Variants in ZNF814 observed in about 807,000 individuals in gnomAD.
ZNF814 encodes zinc finger protein 814.
A neutral mutation model predicts 7.5 loss-of-function variants in ZNF814; 5 were observed. The ratio of observed to expected loss-of-function variants is 0.67; its 90% CI spans 0.35 to 1.40. ZNF814 has a LOEUF of 1.40. Among genes scored for constraint, ZNF814 ranks in the 40% most tolerant of loss-of-function variants. The pLI is 0.04. For synonymous variants in ZNF814, 315 were observed against 340.7 expected (o/e 0.92, Z 0.83); for missense variants, 962 against 1,018.0 (o/e 0.94, Z 0.75).
chr19:57,873,007 T>G lies in ZNF814; in HGVS notation c.2383A>C (p.Thr795Pro), dbSNP rs766856693. The G allele has an allele frequency of 3.7e-6, 6 of 1,613,980 alleles. No homozygotes were observed. The East Asian group carries it at 1.3e-4, about 36-fold the overall frequency. The change falls in exon 3 of 3, where the codon ACT becomes CCT. Residue 795 changes from threonine to proline, a missense_variant. Physicochemically the swap from Thr to Pro is conservative, Grantham distance 38. Coordinates refer to ENST00000435989, the MANE Select transcript of ZNF814 (RefSeq NM_001144989.2). ...CTGCACTCATAAGGCTTTTCTCCAG[T>G]GTGAACTCTTTTGTGTTTTGTGAAA... ...SSFTKHKRVH[T>P]GEKPYECSEC...
At chr19:57,891,754 CT>C, upstream of ZNF814, among the ~76,000 whole-genome samples, 1 of 151,914 alleles carries the variant, frequency 6.6e-6, no homozygotes, top group African/African-American at 2.4e-5. Context: ...TATTCCTTTA[CT>C]TTCTTTTCTT....
In ZNF814 at chr19:57,873,797, T is replaced by C; in HGVS notation, c.1593A>G (p.Ser531=). 1.2e-6 allele frequency: 2 copies of C among 1,613,674 alleles called. No homozygotes were observed. The highest frequency in any genetic ancestry group is 3.3e-5 in the Admixed American group (2 of 59,972). ...ECGECGKSFS[S]KGHLRNHQQI... ...GCTGATGGTTCCTAAGATGTCCTTT[T>C]GAACTAAATGATTTCCCACATTCTC... The change falls in exon 3 of 3, where the codon TCA becomes TCG. Residue 531 remains serine (S), a synonymous_variant. Coordinates refer to ENST00000435989, the MANE Select transcript of ZNF814 (RefSeq NM_001144989.2).
At chr19:57,886,164 C>G (rs2071692095) in intron 1 of ZNF814, among the ~76,000 whole-genome samples, 1 of 152,058 alleles carries the variant, frequency 6.6e-6, no homozygotes, top group South Asian at 2.1e-4. Context: ...ATGGAACACT[C>G]TCCACTTCCT....
rs770504193 is a variant in ZNF814, at chr19:57,874,738, C to A, written c.652G>T (p.Glu218Ter). The part of the protein sequence containing the change: ...QCGGAHYSCG[E>*]SMKHFSTKHI... ...TTGGTGCTAAAATGTTTCATGGATT[C>A]TCCACAGCTGTAGTGAGCTCCCCCA... is the stretch of plus-strand genomic sequence containing the variant. The change falls in exon 3 of 3, where the codon GAA becomes TAA. Residue 218 changes from glutamate (E) to a stop codon, truncating the protein, a stop_gained. Coordinates refer to ENST00000435989, the MANE Select transcript of ZNF814 (RefSeq NM_001144989.2). LOFTEE classifies it low-confidence loss of function (END_TRUNC). 1.2e-6 allele frequency: 2 copies of A among 1,609,502 alleles called. No homozygotes were observed. The highest frequency in any genetic ancestry group is 2.2e-5 in the East Asian group (1 of 44,828).
intron 1 of ZNF814, among the ~76,000 whole-genome samples, chr19:57,877,400 C>G (rs1163845183): frequency 6.6e-6 from 1 of 152,148 alleles, no homozygotes; most frequent in East Asian, 1.9e-4. Flanking sequence ...CTGCCACACA[C>G]CACTGGCCTC....
At position 57,885,988 on chromosome 19, in the gene ZNF814, AC is replaced by A. The variant is rs1402534900; in HGVS notation, c.36+2778del. Reference sequence around the variant, plus strand: ...GAGACTCCTTCTCAAAAAAAAAAAAACAAAAAAACAAAATAACTCCTGTAAC... The same window carrying A: ...GAGACTCCTTCTCAAAAAAAAAAAAAAAAAAAACAAAATAACTCCTGTAAC... On this transcript the variant is annotated intron_variant, in intron 1 of 2. Transcript: ENST00000435989. 33 of 151,082 alleles carry A rather than the reference AC, an allele frequency of 2.2e-4. 3 individuals carry two copies. The highest frequency in any genetic ancestry group is 7.5e-4 in the African/African-American group (31 of 41,120). The allele number at this position is 151,082 out of a possible 1,614,324, so 9.4% of individuals were successfully genotyped here. A position where few individuals can be genotyped will look rare whatever the true frequency, so the allele number is the denominator to read the frequency against.
At position 57,874,649 on chromosome 19, in the gene ZNF814, A is replaced by G. The variant is rs759829732; in HGVS notation, c.741T>C (p.Cys247=). The G allele has an allele frequency of 3.2e-6, 5 of 1,556,326 alleles. No individual in the cohort carries two copies. The highest frequency in any genetic ancestry group is 4.4e-6 in the Non-Finnish European group (5 of 1,149,104). ...TAGCATATTTGCTAAAGGACTTCCC[A>G]CATTCACAGCACACATAACACTCTT... The part of the protein sequence containing the change: ...TREECYVCCE[C]GKSFSKYASL... The change falls in exon 3 of 3, where the codon TGT becomes TGC. Residue 247 remains cysteine (C), a synonymous_variant. Transcript: ENST00000435989.
chr19:57,892,690 TC>T (rs368187299), upstream of ZNF814, among the ~76,000 whole-genome samples: 21 of 152,280 alleles, frequency 1.4e-4, no homozygotes, highest in East Asian at 3.7e-3. Context: ...CTGGAAAAGA[TC>T]CCCTTGCTAC....
rs1451692330 is a variant in ZNF814 at position 57,876,726 on chromosome 19, G to A, written c.163+190C>T. ...CTCCCTGGGAGCCTGCAGTAAAGCA[G>A]GTGTTGGGGCTGCTCCAAGAAAGGA... On this transcript the variant is annotated intron_variant, in intron 2 of 2. Coordinates refer to ENST00000435989, the MANE Select transcript of ZNF814 (RefSeq NM_001144989.2). 3.4e-6 allele frequency: 3 copies of A among 881,122 alleles called. No individual in the cohort carries two copies. In the Admixed American group the frequency reaches 9.7e-5, roughly 28 times the overall value. The allele number at this position is 881,122 out of a possible 1,614,324, so 54.6% of individuals were successfully genotyped here.
Position 57,873,844 on chromosome 19 carries a change from C to A in ZNF814, c.1546G>T (p.Gly516Ter), listed in dbSNP as rs373496551. ...NLVLHQRVHTGARPYECGECG... is the reference protein window; with the variant it reads ...NLVLHQRVHT ...TCTCCACACTCATAAGGTCTTGCTC[C>A]AGTGTGAACTCGCTGGTGTAGAACG... is the stretch of plus-strand genomic sequence containing the variant. The change falls in exon 3 of 3, where the codon GGA becomes TGA. Residue 516 changes from glycine to a stop codon, truncating the protein, a stop_gained. Coordinates refer to ENST00000435989, the MANE Select transcript of ZNF814 (RefSeq NM_001144989.2). LOFTEE classifies it low-confidence loss of function (END_TRUNC). 1.2e-6 allele frequency: 2 copies of A among 1,613,858 alleles called. No individual in the cohort carries two copies. The highest frequency in any genetic ancestry group is 2.7e-5 in the African/African-American group (2 of 74,866).
At chr19:57,878,634 T>C (rs543903342) in intron 1 of ZNF814, among the ~76,000 whole-genome samples, 2 of 152,054 alleles carry the variant, frequency 1.3e-5, no homozygotes, top group Non-Finnish European at 2.9e-5. Context: ...AATTTCTATA[T>C]TTTTAATAGA....
Position 57,873,814 on chromosome 19 carries a change from C to T in ZNF814, c.1576G>A (p.Gly526Arg), listed in dbSNP as rs2071578701. The T allele has an allele frequency of 1.2e-6, 2 of 1,614,012 alleles. No homozygotes were observed. Residue 526 changes from glycine to arginine, a missense_variant, in exon 3 of 3, where the codon GGG (glycine) becomes AGG (arginine). Gly to Arg is a moderately radical substitution (Grantham distance 125). Around this residue, in one of 7 missense-constraint regions of ZNF814, gnomAD observed 665 missense variants for 551.4 expected, o/e 1.21. Transcript: ENST00000435989. ...GARPYECGEC[G>R]KSFSSKGHLR... ...TGTCCTTTTGAACTAAATGATTTCC[C>T]ACATTCTCCACACTCATAAGGTCTT...
chr19:57,883,915 C>A (rs2071668818), intron 1 of ZNF814, among the ~76,000 whole-genome samples: 1 of 151,994 alleles, frequency 6.6e-6, no homozygotes, highest in Non-Finnish European at 1.5e-5. Flanking sequence ...TACCACCACA[C>A]CCAGCTAATT....
chr19:57,885,003 A>G (rs2071677853), intron 1 of ZNF814, among the ~76,000 whole-genome samples: 1 of 152,198 alleles, frequency 6.6e-6, no homozygotes, highest in African/African-American at 2.4e-5. Context: ...AAGTGACCTA[A>G]GTGGTCATCA....
Position 57,876,915 on chromosome 19 carries a change from C to T in ZNF814, c.163+1G>A. On this transcript the variant is annotated splice_donor_variant, in intron 2 of 2. Coordinates refer to ENST00000435989, the MANE Select transcript of ZNF814 (RefSeq NM_001144989.2). LOFTEE classifies it high-confidence loss of function. ...TCACAGGGTGAGTGTGAGCAACTTA[C>T]CCAGGGAGGATATAAGTGCCAGGTT... is the stretch of plus-strand genomic sequence containing the variant. The T allele has an allele frequency of 6.2e-7, 1 of 1,614,062 alleles. No homozygotes were observed. Among genetic ancestry groups the T allele is most frequent in the Non-Finnish European group, 8.5e-7 (1 of 1,179,976 alleles).
At position 57,872,894 on chromosome 19, in the gene ZNF814, T is replaced by C. The variant is rs752022135; in HGVS notation, c.2496A>G (p.Lys832=). The change falls in exon 3 of 3, where the codon AAA becomes AAG. Residue 832 remains lysine, a synonymous_variant. Coordinates refer to ENST00000435989, the MANE Select transcript of ZNF814 (RefSeq NM_001144989.2). ...ACTTCTTGTTAAATAATTTCCCACATTTCTCACATTTATAAGGCTTTTCTC... is the reference window on the plus strand; with the variant it reads ...ACTTCTTGTTAAATAATTTCCCACACTTCTCACATTTATAAGGCTTTTCTC... The part of the protein sequence containing the change: ...HTGEKPYKCE[K]CGKLFNKKSH... The C allele has an allele frequency of 4.3e-6, 7 of 1,612,792 alleles. No individual in the cohort carries two copies. The African/African-American group carries it at 8.0e-5, about 19-fold the overall frequency.
At chr19:57,896,410 G>GT in the ZNF814 span, among the ~76,000 whole-genome samples, 8 of 152,188 alleles carry the variant, frequency 5.3e-5, no homozygotes, top group African/African-American at 1.9e-4. This position sits in a 1 kb window ranked among gnomAD's most constrained non-coding sequence, Gnocchi z 4.2. Context: ...ACTGAAAAGG[G>GT]TATGTTTTAC....
chr19:57,872,767 C>G lies in ZNF814; in HGVS notation c.*55G>C. 2 of 1,607,358 alleles carry G rather than the reference C, an allele frequency of 1.2e-6. No individual in the cohort carries two copies. Among genetic ancestry groups the G allele is most frequent in the Non-Finnish European group, 8.5e-7 (1 of 1,176,322 alleles). ...ATGGCCTTTCTCCAGTGTGAACTCT[C>G]TGGTGTGCAATGAGGTGGTCCTTCT... On this transcript the variant is annotated 3_prime_UTR_variant, in exon 3 of 3. Transcript: ENST00000435989.
chr19:57,893,738 G>A (rs2071744221), upstream of ZNF814, among the ~76,000 whole-genome samples: 1 of 151,676 alleles, frequency 6.6e-6, no homozygotes, highest in Non-Finnish European at 1.5e-5. Flanking sequence ...GGCCAACATG[G>A]TAAAACCCCG....
Sources: allele counts gnomAD v4.1 joint callset (sites outside exome capture counted in the v4.1 genomes callset), GRCh38; gene constraint gnomAD v4.1.1; regional missense constraint gnomAD v4.1.1; non-coding constraint Gnocchi (gnomAD v3.1); transcripts MANE v1.5; gene names NCBI Gene and HGNC (gene_info 2026-07-23, HGNC 2026-07-21).